The following DLGAP2 variants were observed in gnomAD, a reference collection of about 807,000 sequenced individuals.
DLGAP2 encodes DLG associated protein 2, also known as disks large-associated protein 2.
DLGAP2 carries 26 observed loss-of-function variants against 100.3 expected under a neutral mutation model. The ratio of observed to expected loss-of-function variants is 0.26; its 90% confidence interval spans 0.19 to 0.36. The LOEUF is 0.36. Among genes scored for constraint, DLGAP2 ranks in the 10% least tolerant of loss-of-function variants. The pLI, the probability that DLGAP2 is intolerant of heterozygous loss-of-function variation, is 1.00. For missense variants in DLGAP2, 1,858 were observed against 1,453.2 expected, an observed-to-expected ratio of 1.28 and a Z score of -4.53; for synonymous variants, 886 against 630.1, an observed-to-expected ratio of 1.41 and a Z score of -6.08.
chr8:1,285,692 A>G (rs756008612), intron 3 of DLGAP2, among the ~76,000 whole-genome samples: 4 of 152,162 alleles, frequency 2.6e-5, no homozygotes, highest in Admixed American at 6.5e-5. Context: ...AAATACTTCT[A>G]TTTTTCTGGC....
At chr8:1,231,883 T>C (rs1316923797) in intron 2 of DLGAP2, among the ~76,000 whole-genome samples, 2 of 152,110 alleles carry the variant, frequency 1.3e-5, no homozygotes, top group African/African-American at 2.4e-5. Context: ...AGTTCAGTCA[T>C]ACCCCCAAAT....
At chr8:751,624 CCTTATAGGAAGTTCATCTGACACTTT>C (rs1820791458) in intron 1 of DLGAP2, among the ~76,000 whole-genome samples, 2 of 88,232 alleles carry the variant, frequency 2.3e-5, no homozygotes, top group South Asian at 3.2e-4. Flanking sequence ...TATAGTAAGT[CCTTATAGGAAGTTCATCTGACACTTT>C]ATAGTAAGTC....
intron 4 of DLGAP2, among the ~76,000 whole-genome samples, chr8:1,512,481 T>C (rs112032708): frequency 0.026 from 3,895 of 152,068 alleles, 64 homozygotes; most frequent in Middle Eastern, 0.034. Context: ...GCATTCCTGC[T>C]CTGGAGTCTA....
chr8:1,314,000 C>T (rs1271739278), intron 3 of DLGAP2, among the ~76,000 whole-genome samples: 1 of 152,138 alleles, frequency 6.6e-6, no homozygotes, highest in East Asian at 1.9e-4. Context: ...TCCTGTGAAA[C>T]TGTATGATAC....
chr8:1,567,035 G>A (rs1009615228), intron 6 of DLGAP2, among the ~76,000 whole-genome samples: 8 of 152,186 alleles, frequency 5.3e-5, no homozygotes, highest in African/African-American at 1.9e-4. Flanking sequence ...ACGAGTGGCT[G>A]AGAACAAAGC....
intron 1 of DLGAP2, among the ~76,000 whole-genome samples, chr8:762,530 G>A (rs962601761): frequency 4.6e-5 from 7 of 152,230 alleles, no homozygotes; most frequent in Non-Finnish European, 8.8e-5. Flanking sequence ...ATTCCGAGTC[G>A]CCACTTTGCT....
chr8:1,057,930 C>A (rs1432156524), intron 2 of DLGAP2, among the ~76,000 whole-genome samples: 3 of 152,040 alleles, frequency 2.0e-5, no homozygotes, highest in East Asian at 3.9e-4. Context: ...ACATTAGGAC[C>A]CAGAGACATC....
At chr8:786,866 A>G (rs906898631) in intron 1 of DLGAP2, among the ~76,000 whole-genome samples, 28 of 151,444 alleles carry the variant, frequency 1.8e-4, no homozygotes, top group African/African-American at 6.8e-4. Flanking sequence ...TGGAGGGGTT[A>G]CCTGGTGATT....
At chr8:1,691,679 C>G in intron 13 of DLGAP2, 53 bp downstream of exon 13, 1 of 1,388,416 alleles carries the variant, frequency 7.2e-7, no homozygotes. Context: ...TAATGGGCAT[C>G]ATTCCACAGA....
chr8:853,176 G>T (rs1797213147), intron 1 of DLGAP2, among the ~76,000 whole-genome samples: 1 of 152,202 alleles, frequency 6.6e-6, no homozygotes, highest in South Asian at 2.1e-4. Flanking sequence ...CCAGGGCTCG[G>T]CACAGCTGCA....
chr8:929,688 C>T (rs1457827372), intron 2 of DLGAP2, among the ~76,000 whole-genome samples: 1 of 122,050 alleles, frequency 8.2e-6, no homozygotes, highest in African/African-American at 3.3e-5. Context: ...ACCCCATTCC[C>T]CCTCTAAACA....
At chr8:851,141 C>T (rs944397194) in intron 1 of DLGAP2, among the ~76,000 whole-genome samples, 11 of 152,186 alleles carry the variant, frequency 7.2e-5, no homozygotes, top group African/African-American at 2.7e-4. Context: ...TATGTAGATG[C>T]ACAAGTGCCA....
chr8:1,434,599 C>A (rs1463036546), intron 3 of DLGAP2, among the ~76,000 whole-genome samples: 2 of 152,276 alleles, frequency 1.3e-5, no homozygotes, highest in Middle Eastern at 3.4e-3. Flanking sequence ...ACTTCAAGTT[C>A]CCGAGTAGCT....
intron 5 of DLGAP2, among the ~76,000 whole-genome samples, chr8:1,559,229 G>A (rs1177111769): frequency 6.6e-6 from 1 of 152,180 alleles, no homozygotes; most frequent in Non-Finnish European, 1.5e-5. Context: ...ACTGCAAACT[G>A]GATTTGCAGA....
Position 1,663,837 on chromosome 8 carries a change from C to A in DLGAP2, c.1811-4492C>A, listed in dbSNP as rs560333307. On this transcript the variant is annotated intron_variant, in intron 8 of 14. Coordinates refer to ENST00000637795, the MANE Select transcript of DLGAP2 (RefSeq NM_001346810.2). ...TGTTTTGATTTAGAGGAAGAGAGAA[C>A]GGCAGAATGGTCATTTGCTGTTTCT... 1.0e-3 allele frequency among the ~76,000 whole-genome samples: 153 copies of A among 152,202 alleles called. 1 individual carries two copies. The highest frequency in any genetic ancestry group is 3.6e-3 in the African/African-American group (149 of 41,532).
chr8:1,441,499 C>A (rs1195325804), intron 3 of DLGAP2, among the ~76,000 whole-genome samples: 2 of 151,896 alleles, frequency 1.3e-5, no homozygotes, highest in Non-Finnish European at 2.9e-5. Flanking sequence ...ACCATCCTGG[C>A]AAACATGGTG....
At chr8:930,705 A>T (rs1008923217) in intron 2 of DLGAP2, among the ~76,000 whole-genome samples, 1 of 152,108 alleles carries the variant, frequency 6.6e-6, no homozygotes, top group African/African-American at 2.4e-5. Context: ...TGGGAGCCTC[A>T]TGGAGACCCC....
chr8:1,354,041 G>A (rs377422177), intron 3 of DLGAP2, among the ~76,000 whole-genome samples: 2 of 152,282 alleles, frequency 1.3e-5, no homozygotes, highest in Admixed American at 1.3e-4. Context: ...TTTATAGAAG[G>A]ATGAATAGGT....
At chr8:741,224 C>T (rs1033284435) in intron 1 of DLGAP2, among the ~76,000 whole-genome samples, 1 of 152,204 alleles carries the variant, frequency 6.6e-6, no homozygotes, top group Admixed American at 6.5e-5. Flanking sequence ...TGGGCTTTGG[C>T]ATTGACCAGG....
Sources: allele counts gnomAD v4.1 joint callset (sites outside exome capture counted in the v4.1 genomes callset), GRCh38; gene constraint gnomAD v4.1.1; transcripts MANE v1.5; gene names NCBI Gene and HGNC (gene_info 2026-07-23, HGNC 2026-07-21).